SNTG1: variants seen among roughly 807,000 people sequenced by gnomAD.
SNTG1 encodes gamma-1-syntrophin.
A neutral mutation model predicts 74.7 loss-of-function variants in SNTG1; 39 were observed. The ratio of observed to expected loss-of-function variants is 0.52; its 90% CI spans 0.40 to 0.68. The LOEUF (loss-of-function observed/expected upper bound fraction) is 0.68. Ranked by LOEUF, SNTG1 falls within the 30% of genes least tolerant of loss-of-function variation. SNTG1 has a pLI of 0.00. For missense variants in SNTG1, 685 were observed against 609.5 expected (o/e 1.12, Z -1.30); for synonymous variants, 254 against 217.1 (o/e 1.17, Z -1.49).
intron 1 of SNTG1, among the ~76,000 whole-genome samples, chr8:50,067,016 G>C (rs1303719806): frequency 6.6e-6 from 1 of 152,074 alleles, no homozygotes. Context: ...TTATTCTTTC[G>C]TCAGTTCTTT....
intron 1 of SNTG1, among the ~76,000 whole-genome samples, chr8:50,087,789 T>C (rs203614): frequency 6.6e-6 from 1 of 151,650 alleles, no homozygotes; most frequent in African/African-American, 2.4e-5. Flanking sequence ...ATTTATTTAT[T>C]TTTTATTATA....
At chr8:50,072,155 C>G (rs1032676070) in intron 1 of SNTG1, among the ~76,000 whole-genome samples, 5 of 152,146 alleles carry the variant, frequency 3.3e-5, no homozygotes, top group Admixed American at 3.3e-4. Flanking sequence ...AGACATGGAT[C>G]TATTTGCCTT....
Position 50,175,453 on chromosome 8 carries a change from C to G in SNTG1, c.-28+2818C>G, listed in dbSNP as rs1312419663. Among the ~76,000 whole-genome samples the G allele has an allele frequency of 2.6e-5, 4 of 152,148 alleles. No individual in the cohort carries two copies. In the East Asian group the frequency reaches 7.7e-4, roughly 29 times the overall value. On this transcript the variant is annotated intron_variant, in intron 2 of 18. Transcript: ENST00000642720. Reference sequence around the variant, plus strand: ...AATTTGGAAGCACTTGTGGAAGAATCAATTGAAGGGGACAGAGAGCAAAGG... The same window carrying G: ...AATTTGGAAGCACTTGTGGAAGAATGAATTGAAGGGGACAGAGAGCAAAGG...
intron 17 of SNTG1, among the ~76,000 whole-genome samples, chr8:50,722,565 C>G (rs1291393224): frequency 6.6e-6 from 1 of 152,106 alleles, no homozygotes; most frequent in Non-Finnish European, 1.5e-5. Context: ...AGATTTATCT[C>G]TTATAGATAG....
chr8:50,276,115 T>G (rs1450124), intron 2 of SNTG1, among the ~76,000 whole-genome samples: 90,191 of 151,998 alleles, frequency 0.59, 29,439 homozygotes, highest in East Asian at 0.84. Flanking sequence ...TCTAGAAGCA[T>G]AACTCATTTA....
chr8:50,100,464 T>C (rs1365340477), intron 1 of SNTG1, among the ~76,000 whole-genome samples: 2 of 152,046 alleles, frequency 1.3e-5, no homozygotes, highest in Non-Finnish European at 2.9e-5. Flanking sequence ...AGTGAGGTGA[T>C]GGACATGCTG....
At chr8:50,590,488 G>A (rs78544109) in intron 12 of SNTG1, among the ~76,000 whole-genome samples, 4,779 of 152,028 alleles carry the variant, frequency 0.031, 119 homozygotes, top group African/African-American at 0.057. Context: ...TGGATATTGC[G>A]CTTCCCTGTT....
chr8:50,750,153 C>T (rs949255622), intron 17 of SNTG1, among the ~76,000 whole-genome samples: 1 of 151,882 alleles, frequency 6.6e-6, no homozygotes, highest in East Asian at 1.9e-4. Flanking sequence ...AAACCCTCTT[C>T]GGAGACTTGG....
At chr8:50,746,522 C>A (rs1235319572) in intron 17 of SNTG1, among the ~76,000 whole-genome samples, 1 of 151,900 alleles carries the variant, frequency 6.6e-6, no homozygotes, top group African/African-American at 2.4e-5. Context: ...TTTTCAAGTA[C>A]AGTCTGATGA....
intron 9 of SNTG1, among the ~76,000 whole-genome samples, chr8:50,508,937 T>G (rs1281148168): frequency 6.6e-6 from 1 of 152,238 alleles, no homozygotes; most frequent in Non-Finnish European, 1.5e-5. Context: ...AGATCCCATT[T>G]GTCAATATTG....
rs1194491694 is a variant in SNTG1 at position 50,101,755 on chromosome 8, G to T, written c.-102-70806G>T. On this transcript the variant is annotated intron_variant, in intron 1 of 18. Coordinates refer to ENST00000642720, the MANE Select transcript of SNTG1 (RefSeq NM_018967.5). Reference sequence around the variant, plus strand: ...CCCAGAGTGTAATGTTCCCCTTCCTGTGTCCATGTGTTCTCATTGTTCAAT... The same window carrying T: ...CCCAGAGTGTAATGTTCCCCTTCCTTTGTCCATGTGTTCTCATTGTTCAAT... Among the ~76,000 whole-genome samples, 5 of 149,592 alleles carry T rather than the reference G, an allele frequency of 3.3e-5. No homozygotes were observed. In the Admixed American group the frequency reaches 3.4e-4, roughly 10 times the overall value.
chr8:49,995,372 G>A (rs1424098984), intron 1 of SNTG1, among the ~76,000 whole-genome samples: 1 of 152,230 alleles, frequency 6.6e-6, no homozygotes, highest in Non-Finnish European at 1.5e-5. Context: ...CAGGTGGCCA[G>A]AAGGTTATGT....
At chr8:50,750,797 T>C (rs1423291877) in intron 17 of SNTG1, among the ~76,000 whole-genome samples, 5 of 152,058 alleles carry the variant, frequency 3.3e-5, no homozygotes, top group Non-Finnish European at 5.9e-5. Flanking sequence ...ACATCACTTT[T>C]ATATGCATTG....
At chr8:50,675,043 T>G (rs557316396) in intron 15 of SNTG1, among the ~76,000 whole-genome samples, 197 of 152,254 alleles carry the variant, frequency 1.3e-3, no homozygotes, top group Middle Eastern at 6.8e-3. Context: ...TTTGTTATGA[T>G]TTCAGTTCTT....
At chr8:50,162,641 G>A (rs796252737) in intron 1 of SNTG1, among the ~76,000 whole-genome samples, 6 of 151,712 alleles carry the variant, frequency 4.0e-5, no homozygotes, top group African/African-American at 1.5e-4. Flanking sequence ...GCTTCCCTTC[G>A]TTAGCCCGCT....
intron 15 of SNTG1, among the ~76,000 whole-genome samples, chr8:50,664,731 G>T (rs571106229): frequency 6.6e-6 from 1 of 152,076 alleles, no homozygotes; most frequent in Non-Finnish European, 1.5e-5. Flanking sequence ...GCAATGATCA[G>T]GTTCTTCCTA....
At chr8:50,297,704 T>C (rs1587003171) in intron 2 of SNTG1, among the ~76,000 whole-genome samples, 1 of 152,134 alleles carries the variant, frequency 6.6e-6, no homozygotes, top group African/African-American at 2.4e-5. Flanking sequence ...CAGAATGGCA[T>C]GCAACCTAAA....
intron 15 of SNTG1, among the ~76,000 whole-genome samples, chr8:50,700,465 T>G (rs2095419604): frequency 6.6e-6 from 1 of 152,126 alleles, no homozygotes; most frequent in South Asian, 2.1e-4. Context: ...TTTTCCAAAG[T>G]TTCTCCTCCT....
At chr8:50,542,989 C>T (rs2094359282) in intron 11 of SNTG1, among the ~76,000 whole-genome samples, 1 of 152,116 alleles carries the variant, frequency 6.6e-6, no homozygotes, top group Admixed American at 6.6e-5. Context: ...TTCAGTAATT[C>T]TTTGTCAGAT....
Sources: allele counts gnomAD v4.1 joint callset (sites outside exome capture counted in the v4.1 genomes callset), GRCh38; gene constraint gnomAD v4.1.1; transcripts MANE v1.5; gene names NCBI Gene and HGNC (gene_info 2026-07-23, HGNC 2026-07-21).